Variants in MYT1 observed in about 807,000 individuals in gnomAD.
The protein encoded by MYT1 is myelin transcription factor 1.
A neutral mutation model predicts 123.0 loss-of-function variants in MYT1; 23 were observed. The ratio of observed to expected loss-of-function variants is 0.19; its 90% CI spans 0.13 to 0.26. The LOEUF is 0.26. Ranked by LOEUF, MYT1 falls within the 10% of genes least tolerant of loss-of-function variation. The pLI, the probability that MYT1 is intolerant of heterozygous loss-of-function variation, is 1.00. For missense variants in MYT1, 1,125 were observed against 1,472.5 expected (o/e 0.76, Z 3.86); for synonymous variants, 518 against 575.3 (o/e 0.90, Z 1.43).
chr20:64,170,884 T>TATATATATATATATAGAG (rs1569303821), intron 1 of MYT1, among the ~76,000 whole-genome samples: 1 of 20,002 alleles, frequency 5.0e-5, no homozygotes, highest in African/African-American at 2.3e-4. Context: ...TATATATATA[T>TATATATATATATATAGAG]AGAGAGAGAG....
At position 64,205,751 on chromosome 20, in the gene MYT1, G is replaced by A; in HGVS notation, c.348G>A (p.Glu116=). 1.2e-6 allele frequency: 2 copies of A among 1,614,182 alleles called. No individual in the cohort carries two copies. Among genetic ancestry groups the A allele is most frequent in the Non-Finnish European group, 8.5e-7 (1 of 1,180,042 alleles). Residue 116 remains glutamate, a synonymous_variant, in exon 6 of 23, where the codon GAG becomes GAA. Coordinates refer to ENST00000328439, the MANE Select transcript of MYT1 (RefSeq NM_004535.3). Reference sequence around the variant, plus strand: ...CGGAAGGAACTCTGGAGGGGGCCGAGGCTGAGACGTCAGGACAGGACGAGA... The same window carrying A: ...CGGAAGGAACTCTGGAGGGGGCCGAAGCTGAGACGTCAGGACAGGACGAGA... The part of the protein sequence containing the change: ...DESEGTLEGA[E]AETSGQDEIH...
chr20:64,193,517 A>C lies in MYT1; in HGVS notation c.-1+3357A>C, dbSNP rs1030523359. Among the ~76,000 whole-genome samples, 1 of 152,138 alleles carries C rather than the reference A, an allele frequency of 6.6e-6. No homozygotes were observed. Among genetic ancestry groups the C allele is most frequent in the Non-Finnish European group, 1.5e-5 (1 of 68,018 alleles). ...TGACAGGGAAGTTGATGCTGCCCTC[A>C]GTACATAAATGAGAGAAGAAAACAG... On this transcript the variant is annotated intron_variant, in intron 2 of 22. Transcript: ENST00000328439. The surrounding 1 kb of genome is among the most constrained non-coding windows in gnomAD (Gnocchi z 4.0).
At chr20:64,169,089 G>A (rs1248445217) in intron 1 of MYT1, among the ~76,000 whole-genome samples, 6 of 152,176 alleles carry the variant, frequency 3.9e-5, no homozygotes, top group African/African-American at 9.7e-5. Flanking sequence ...GGGTCAAGGC[G>A]GTTGGAGCCT....
At chr20:64,209,739 T>C (rs1983609685) in intron 7 of MYT1, among the ~76,000 whole-genome samples, 1 of 152,012 alleles carries the variant, frequency 6.6e-6, no homozygotes, top group African/African-American at 2.4e-5. Context: ...AGGGGCATGA[T>C]AGGCAGGTCA....
intron 1 of MYT1, among the ~76,000 whole-genome samples, chr20:64,177,953 C>T (rs996159226): frequency 3.3e-5 from 5 of 152,264 alleles, no homozygotes; most frequent in African/African-American, 9.6e-5. Flanking sequence ...GGGCTGGGGC[C>T]GGCACCTGCC....
At position 64,167,262 on chromosome 20, in the gene MYT1, G is replaced by A. The variant is rs938467297; in HGVS notation, c.-99+2523G>A. The stretch of plus-strand genomic sequence containing the variant: ...AACCCGGGGCCTCCAGCCGCTGCTC[G>A]GTGGCAGTGGGCGGGCTGGTGGGGG... On this transcript the variant is annotated intron_variant, in intron 1 of 22. Coordinates refer to ENST00000328439, the MANE Select transcript of MYT1 (RefSeq NM_004535.3). The surrounding 1 kb of genome is among the most constrained non-coding windows in gnomAD (Gnocchi z 6.3). 1.5e-4 allele frequency among the ~76,000 whole-genome samples: 23 copies of A among 152,216 alleles called. No homozygotes were observed. The highest frequency in any genetic ancestry group is 4.3e-4 in the African/African-American group (18 of 41,464).
chr20:64,197,484 C>T lies in MYT1; in HGVS notation c.1-1378C>T, dbSNP rs568521768. On this transcript the variant is annotated intron_variant, in intron 2 of 22. Transcript: ENST00000328439. Reference sequence around the variant, plus strand: ...CCCTGCTTTCCCTTTGACTACCTCACGCATAGAGCCCTGGCAGCTCTGGTG... The same window carrying T: ...CCCTGCTTTCCCTTTGACTACCTCATGCATAGAGCCCTGGCAGCTCTGGTG... Among the ~76,000 whole-genome samples the T allele has an allele frequency of 1.8e-3, 273 of 152,292 alleles. 2 individuals carry two copies. Among genetic ancestry groups the T allele is most frequent in the Non-Finnish European group, 3.3e-3 (222 of 68,036 alleles).
chr20:64,178,509 G>T (rs1177971296), intron 1 of MYT1, among the ~76,000 whole-genome samples: 1 of 152,066 alleles, frequency 6.6e-6, no homozygotes, highest in East Asian at 1.9e-4. Flanking sequence ...CAACGTGGGA[G>T]CACTGAGCCG....
chr20:64,212,222 G>A lies in MYT1; in HGVS notation c.1517+84G>A, dbSNP rs1983695959. On this transcript the variant is annotated intron_variant, in intron 9 of 22. Transcript: ENST00000328439. This position sits in a 1 kb window ranked among gnomAD's most constrained non-coding sequence, Gnocchi z 6.8. ...GGGTGGGGGCCGTGGTGGGGGCCAG[G>A]GTGGGGGCCGTGGTGGGGGCCAGGG... 3.4e-6 allele frequency: 1 copy of A among 296,422 alleles called. No homozygotes were observed. The allele number at this position is 296,422 out of a possible 1,614,324, so 18.4% of individuals were successfully genotyped here. A position where few individuals can be genotyped will look rare whatever the true frequency, so the allele number is the denominator to read the frequency against.
Position 64,184,754 on chromosome 20 carries a change from C to T in MYT1, c.-98-5309C>T, listed in dbSNP as rs1482724495. Among the ~76,000 whole-genome samples, 4 of 152,146 alleles carry T rather than the reference C, an allele frequency of 2.6e-5. No homozygotes were observed. The East Asian group carries it at 7.7e-4, about 29-fold the overall frequency. On this transcript the variant is annotated intron_variant, in intron 1 of 22. Transcript: ENST00000328439. ...GCAGGATTTGGGGCCAAGGATGACC[C>T]TCAGGGTTCTGGCTTGAGGAGCTGA...
intron 7 of MYT1, 101 bp from the exon 8 acceptor site, chr20:64,211,105 C>T: frequency 7.4e-7 from 1 of 1,357,474 alleles, no homozygotes; most frequent in South Asian, 1.5e-5. Context: ...CGCCTCCCTT[C>T]TCTCTGGACA....
chr20:64,207,699 T>C lies in MYT1; in HGVS notation c.503T>C (p.Leu168Pro), dbSNP rs759814340. ...TACCAGGGAATCATCGCAACTTCTC[T>C]CCTGAACTTGGGTCAAATTGCTGAA... ...SSYQGIIATSLLNLGQIAEET... is the reference protein window; with the variant it reads ...SSYQGIIATSPLNLGQIAEET... Residue 168 changes from leucine (L) to proline (P), a missense_variant, in exon 7 of 23, where the codon CTC becomes CCC. Transcript: ENST00000328439. 1 of 1,614,018 alleles carries C rather than the reference T, an allele frequency of 6.2e-7. No homozygotes were observed. The highest frequency in any genetic ancestry group is 2.2e-5 in the East Asian group (1 of 44,858).
intron 1 of MYT1, among the ~76,000 whole-genome samples, chr20:64,180,948 C>T (rs1982638022): frequency 6.6e-6 from 1 of 152,198 alleles, no homozygotes; most frequent in African/African-American, 2.4e-5. Context: ...CTGTGCATAT[C>T]TGGATTTTTT....
At chr20:64,211,667 C>G (rs537228369) in intron 8 of MYT1, among the ~76,000 whole-genome samples, 2 of 152,366 alleles carry the variant, frequency 1.3e-5, no homozygotes, top group South Asian at 4.1e-4. Flanking sequence ...CTTGCAGCAA[C>G]CTCTGTGCCC....
chr20:64,236,807 C>T (rs945167976), intron 20 of MYT1, among the ~76,000 whole-genome samples, 161 bp downstream of exon 20: 1 of 152,088 alleles, frequency 6.6e-6, no homozygotes, highest in Non-Finnish European at 1.5e-5. Flanking sequence ...GACAGCCTTT[C>T]GGACCTTGGC....
intron 3 of MYT1, 121 bp downstream of exon 3, chr20:64,199,037 C>T (rs955861111): frequency 2.0e-6 from 2 of 982,880 alleles, no homozygotes; most frequent in Admixed American, 2.4e-5. Flanking sequence ...CAGGCCTCTT[C>T]AGCCTCATTC....
chr20:64,224,750 CA>C (rs1397334755), intron 16 of MYT1, among the ~76,000 whole-genome samples: 1 of 152,116 alleles, frequency 6.6e-6, no homozygotes, highest in Non-Finnish European at 1.5e-5. Context: ...TTTCCTTTTC[CA>C]ATTCTGCTTT....
Position 64,213,514 on chromosome 20 carries a change from C to G in MYT1, c.1518-20C>G. 3.1e-6 allele frequency: 5 copies of G among 1,600,032 alleles called. No individual in the cohort carries two copies. The highest frequency in any genetic ancestry group is 3.4e-6 in the Non-Finnish European group (4 of 1,167,604). On this transcript the variant is annotated intron_variant, in intron 9 of 22. Coordinates refer to ENST00000328439, the MANE Select transcript of MYT1 (RefSeq NM_004535.3). This position sits in a 1 kb window ranked among gnomAD's most constrained non-coding sequence, Gnocchi z 5.6. The stretch of plus-strand genomic sequence containing the variant: ...GCATGGAGGGGAAGGCTCAGAAACC[C>G]CTCCTCTTCCTTCCTCTAGTTTGTC...
chr20:64,207,014 G>T (rs1237926126), intron 6 of MYT1, among the ~76,000 whole-genome samples: 1 of 152,122 alleles, frequency 6.6e-6, no homozygotes. Context: ...TCAAGGAATA[G>T]CTGGGACTAC....
Sources: allele counts gnomAD v4.1 joint callset (sites outside exome capture counted in the v4.1 genomes callset), GRCh38; gene constraint gnomAD v4.1.1; non-coding constraint Gnocchi (gnomAD v3.1); transcripts MANE v1.5; gene names NCBI Gene and HGNC (gene_info 2026-07-23, HGNC 2026-07-21).